The following WWOX variants were observed in gnomAD, a reference collection of about 807,000 sequenced individuals.
WWOX encodes the protein WW domain-containing oxidoreductase.
Under a neutral mutation model 46.2 loss-of-function variants are expected in WWOX, and 69 were observed. That is an observed-to-expected ratio of 1.49 (90% CI 1.23 to 1.82). WWOX has a LOEUF of 1.82. Among genes scored for constraint, WWOX ranks in the 40% most tolerant of loss-of-function variants. WWOX has a pLI of 0.00. For missense variants in WWOX, 919 were observed against 542.6 expected (o/e 1.69, Z -6.89); for synonymous variants, 359 against 202.6 (o/e 1.77, Z -6.56).
rs559832688 is a variant in WWOX, at chr16:78,543,932, A to G, written c.1056+111180A>G. On this transcript the variant is annotated intron_variant, in intron 8 of 8. Coordinates refer to ENST00000566780, the MANE Select transcript of WWOX (RefSeq NM_016373.4). ...TAAACTAACATCTCAACAGCCTGCCATAAATTTCTTGTCAAAAAAAGAGGT... is the reference window on the plus strand; with the variant it reads ...TAAACTAACATCTCAACAGCCTGCCGTAAATTTCTTGTCAAAAAAAGAGGT... Among the ~76,000 whole-genome samples the G allele has an allele frequency of 2.8e-4, 43 of 152,308 alleles. 1 individual carries two copies. The highest frequency in any genetic ancestry group is 9.6e-4 in the African/African-American group (40 of 41,572).
At chr16:78,321,362 A>ATATATATACG (rs1555519190) in intron 5 of WWOX, among the ~76,000 whole-genome samples, 4,458 of 57,556 alleles carry the variant, frequency 0.077, 224 homozygotes, top group East Asian at 0.25. Context: ...ATATATGCGT[A>ATATATATACG]TATATATACG....
intron 5 of WWOX, among the ~76,000 whole-genome samples, chr16:78,249,639 A>G (rs897163552): frequency 4.6e-5 from 7 of 152,194 alleles, no homozygotes; most frequent in African/African-American, 1.7e-4. Flanking sequence ...CAACAGTGCA[A>G]GTGGGGAGAT....
chr16:78,355,715 A>G (rs755059146), intron 5 of WWOX: 22 of 743,408 alleles, frequency 3.0e-5, no homozygotes, highest in Admixed American at 2.5e-4. Flanking sequence ...TGTGACTACT[A>G]TAGAAATTGA....
chr16:78,584,244 T>C (rs1227595036), intron 8 of WWOX, among the ~76,000 whole-genome samples: 1 of 152,230 alleles, frequency 6.6e-6, no homozygotes, highest in Non-Finnish European at 1.5e-5. Flanking sequence ...TATACAGTTA[T>C]GTAAAACATT....
intron 8 of WWOX, among the ~76,000 whole-genome samples, chr16:79,021,048 G>C (rs1464320252): frequency 6.6e-6 from 1 of 152,154 alleles, no homozygotes; most frequent in East Asian, 1.9e-4. Flanking sequence ...AAAGTTTTCA[G>C]GGAGAGCAAG....
At chr16:78,662,640 C>G (rs2047243492) in intron 8 of WWOX, among the ~76,000 whole-genome samples, 1 of 152,164 alleles carries the variant, frequency 6.6e-6, no homozygotes, top group Non-Finnish European at 1.5e-5. Flanking sequence ...CATAAAACAA[C>G]ATACATTCAT....
At chr16:78,627,885 A>G (rs1454114050) in intron 8 of WWOX, among the ~76,000 whole-genome samples, 1 of 152,212 alleles carries the variant, frequency 6.6e-6, no homozygotes, top group Non-Finnish European at 1.5e-5. Context: ...AGAGGCAAGA[A>G]TCCCGTGGAT....
At chr16:78,584,869 C>T (rs938620144) in intron 8 of WWOX, among the ~76,000 whole-genome samples, 2 of 152,206 alleles carry the variant, frequency 1.3e-5, no homozygotes, top group Non-Finnish European at 2.9e-5. Context: ...TGCGTGTAAG[C>T]AATATCTCAA....
At chr16:78,480,197 C>G (rs1164612672) in intron 8 of WWOX, among the ~76,000 whole-genome samples, 2 of 152,174 alleles carry the variant, frequency 1.3e-5, no homozygotes, top group African/African-American at 4.8e-5. Context: ...AGCCACATTT[C>G]AAATCTTCAG....
intron 8 of WWOX, among the ~76,000 whole-genome samples, chr16:78,694,107 A>G (rs1567496285): frequency 6.6e-6 from 1 of 152,054 alleles, no homozygotes; most frequent in Non-Finnish European, 1.5e-5. Flanking sequence ...TAGTGTGTGC[A>G]TATAATCCCA....
At chr16:78,522,575 C>A (rs556410678) in intron 8 of WWOX, among the ~76,000 whole-genome samples, 1 of 152,344 alleles carries the variant, frequency 6.6e-6, no homozygotes, top group Admixed American at 6.5e-5. Flanking sequence ...GACATCTACA[C>A]TGGGAAATTG....
chr16:78,900,349 C>G (rs75713467), intron 8 of WWOX, among the ~76,000 whole-genome samples: 10,321 of 152,126 alleles, frequency 0.068, 1,178 homozygotes, highest in African/African-American at 0.24. Context: ...AGCTGTCACT[C>G]AAGTATGCAC....
At chr16:78,649,010 G>T (rs1347450671) in intron 8 of WWOX, among the ~76,000 whole-genome samples, 6 of 152,108 alleles carry the variant, frequency 3.9e-5, no homozygotes, top group Non-Finnish European at 7.4e-5. Flanking sequence ...GTCTCGCTCT[G>T]TCACCCAGGC....
chr16:78,976,723 T>C (rs144126064), intron 8 of WWOX, among the ~76,000 whole-genome samples: 1 of 152,356 alleles, frequency 6.6e-6, no homozygotes, highest in African/African-American at 2.4e-5. Context: ...CACCAGATAC[T>C]ACTTCTATCT....
intron 8 of WWOX, among the ~76,000 whole-genome samples, chr16:79,150,787 G>A (rs544912993): frequency 3.9e-5 from 6 of 152,124 alleles, no homozygotes; most frequent in African/African-American, 7.2e-5. Flanking sequence ...GACTACAGGC[G>A]TGTGTCACTG....
At chr16:78,828,618 A>G (rs1274626784) in intron 8 of WWOX, among the ~76,000 whole-genome samples, 1 of 152,178 alleles carries the variant, frequency 6.6e-6, no homozygotes, top group African/African-American at 2.4e-5. Flanking sequence ...TGTCCTAATA[A>G]TAAACGTGAT....
intron 5 of WWOX, among the ~76,000 whole-genome samples, chr16:78,370,915 A>T (rs2081664319): frequency 6.7e-6 from 1 of 148,712 alleles, no homozygotes. Flanking sequence ...ACATTTCTAA[A>T]AATTTTGTTT....
chr16:78,731,839 C>CTTTTTTTTTTTTTTTT (rs1358966064), intron 8 of WWOX, among the ~76,000 whole-genome samples: 1 of 111,498 alleles, frequency 9.0e-6, no homozygotes. Flanking sequence ...AATTTTTTTT[C>CTTTTTTTTTTTTTTTT]TTTCTCTTTT....
chr16:78,174,435 T>A (rs1306095439), intron 5 of WWOX, among the ~76,000 whole-genome samples: 1 of 152,130 alleles, frequency 6.6e-6, no homozygotes, highest in African/African-American at 2.4e-5. Flanking sequence ...GGAGATATAA[T>A]TCAAGTTGAG....
Sources: gnomAD v4.1 joint callset for allele counts (sites outside exome capture counted in the v4.1 genomes callset) on GRCh38, gnomAD v4.1.1 for gene constraint, MANE v1.5 for transcripts, NCBI Gene and HGNC (gene_info 2026-07-23, HGNC 2026-07-21) for gene names.